Variants in TLR6 observed in about 807,000 individuals in gnomAD.
TLR6 encodes toll-like receptor 6.
In TLR6, 9 loss-of-function variants were observed where a neutral mutation model predicts 16.1. That is an observed-to-expected ratio of 0.56 (90% CI 0.34 to 0.98). TLR6 has a LOEUF of 0.98. TLR6 is among the 50% of genes least tolerant of loss of function. The pLI is 0.02. For missense variants in TLR6, 786 were observed against 921.0 expected, an observed-to-expected ratio of 0.85 and a Z score of 1.90; for synonymous variants, 340 against 338.6, an observed-to-expected ratio of 1.00 and a Z score of -0.04.
At chr4:38,857,107 G>A (rs1713020189), upstream of TLR6, among the ~76,000 whole-genome samples, 1 of 152,170 alleles carries the variant, frequency 6.6e-6, no homozygotes, top group South Asian at 2.1e-4. Flanking sequence ...TTTGTCACCT[G>A]AGTGGAAAGT....
At chr4:38,853,359 C>A (rs368821471) in intron 1 of TLR6, among the ~76,000 whole-genome samples, 5 of 148,534 alleles carry the variant, frequency 3.4e-5, no homozygotes, top group Admixed American at 3.3e-4. Flanking sequence ...TGCACATGTA[C>A]CCTAGAACTT....
At chr4:38,839,134 A>AGGGAGGGAG (rs1712109877) in intron 1 of TLR6, among the ~76,000 whole-genome samples, 1 of 60,446 alleles carries the variant, frequency 1.7e-5, no homozygotes, top group African/African-American at 6.5e-5. Context: ...AAGGGAGGGA[A>AGGGAGGGAG]GGGAGGGAGG....
At chr4:38,855,234 A>G (rs1712936000) in intron 1 of TLR6, among the ~76,000 whole-genome samples, 1 of 149,934 alleles carries the variant, frequency 6.7e-6, no homozygotes, top group African/African-American at 2.5e-5. Context: ...AAAAAATTAT[A>G]TATGTAGTAA....
At position 38,827,437 on chromosome 4, in the gene TLR6, G is replaced by A. The variant is rs56107625; in HGVS notation, c.2037C>T (p.Val679=). The A allele has an allele frequency of 2.6e-4, 419 of 1,614,194 alleles. 2 individuals carry two copies. Among genetic ancestry groups the A allele is most frequent in the South Asian group, 1.3e-3 (122 of 91,088 alleles). ...TATTTTCCACAATGCTCTTGCCAGG[G>A]ACAAAGTTTCTCTCATGAAGACAAA... The change falls in exon 2 of 2, where the codon GTC becomes GTT. Residue 679 remains valine (V), a synonymous_variant. Coordinates refer to ENST00000436693, the Ensembl canonical transcript of TLR6.
chr4:38,828,081 C>T lies in TLR6; in HGVS notation c.1393G>A (p.Val465Ile), dbSNP rs5743816. ...TCCAGTTTTACGACTTGTTTAGGAA[C>T]GCTCTTTATTTTATTGCTGTGAAGA... Residue 465 changes from valine to isoleucine, a missense_variant, in exon 2 of 2, where the codon GTT (valine) becomes ATT (isoleucine). By Grantham distance (29) the Val-to-Ile change is conservative. Transcript: ENST00000436693. 9,171 of 1,613,944 alleles carry T rather than the reference C, an allele frequency of 5.7e-3. 306 individuals carry two copies. The African/African-American group carries it at 0.078, about 14-fold the overall frequency.
chr4:38,827,726 T>C (rs1296243300), exon 2 of TLR6: 2 of 1,614,246 alleles, frequency 1.2e-6, no homozygotes, highest in East Asian at 2.2e-5. Context: ...CAGAGTTATG[T>C]TGCAGGATAA....
intron 1 of TLR6, among the ~76,000 whole-genome samples, chr4:38,839,070 AAGAG>A (rs1185907207): frequency 1.0e-5 from 1 of 96,286 alleles, no homozygotes; most frequent in Non-Finnish European, 1.7e-5. Context: ...AAGAAATAGA[AAGAG>A]AGAAAGAGGA....
upstream of TLR6, among the ~76,000 whole-genome samples, chr4:38,858,789 GA>G (rs1196243817): frequency 4.3e-5 from 2 of 46,956 alleles, no homozygotes; most frequent in Non-Finnish European, 3.6e-5. Flanking sequence ...GAGAGAGAGA[GA>G]GGGAGAGAGA....
At chr4:38,827,284 G>C (rs1477667286) in exon 2 of TLR6, 1 of 1,614,152 alleles carries the variant, frequency 6.2e-7, no homozygotes, top group Non-Finnish European at 8.5e-7. Context: ...TGAGGATTAA[G>C]TTATTAGATC....
intron 1 of TLR6, among the ~76,000 whole-genome samples, chr4:38,834,068 A>G (rs1427090647): frequency 1.3e-5 from 2 of 151,034 alleles, no homozygotes; most frequent in African/African-American, 4.8e-5. Flanking sequence ...CTGTACTAAA[A>G]AAAAAAAAAA....
upstream of TLR6, among the ~76,000 whole-genome samples, chr4:38,858,116 G>A (rs1475351887): frequency 6.6e-6 from 1 of 152,186 alleles, no homozygotes; most frequent in Non-Finnish European, 1.5e-5. Context: ...ACGTCTGTAA[G>A]GGGATGACAA....
At chr4:38,858,490 T>C (rs371650970), upstream of TLR6, among the ~76,000 whole-genome samples, 15 of 151,984 alleles carry the variant, frequency 9.9e-5, no homozygotes, top group South Asian at 3.1e-3. Context: ...GAGGCCGAGG[T>C]GGGTAGATCA....
chr4:38,855,731 A>G (rs926621136), intron 1 of TLR6, among the ~76,000 whole-genome samples: 1 of 152,216 alleles, frequency 6.6e-6, no homozygotes, highest in African/African-American at 2.4e-5. Flanking sequence ...AGAGGCGTTC[A>G]TACCCTGAGG....
At chr4:38,848,861 T>C (rs1359418613) in intron 1 of TLR6, among the ~76,000 whole-genome samples, 1 of 152,210 alleles carries the variant, frequency 6.6e-6, no homozygotes, top group African/African-American at 2.4e-5. Context: ...TTCTGCAGGA[T>C]GTTATCCAGG....
At chr4:38,868,095 G>T in the TLR6 span, 2 of 366,664 alleles carry the variant, frequency 5.5e-6, no homozygotes, top group Middle Eastern at 4.2e-4. Context: ...CCGGGTCCAC[G>T]CTCATGCACA....
At chr4:38,833,230 T>A (rs975007473) in intron 1 of TLR6, among the ~76,000 whole-genome samples, 1 of 152,104 alleles carries the variant, frequency 6.6e-6, no homozygotes, top group African/African-American at 2.4e-5. Flanking sequence ...AGCATCCAAC[T>A]AAATCTCCTG....
chr4:38,863,029 T>C, the TLR6 span, among the ~76,000 whole-genome samples: 3 of 150,704 alleles, frequency 2.0e-5, no homozygotes, highest in South Asian at 6.3e-4. Flanking sequence ...TTTTACTGAC[T>C]ATCTCTAATT....
exon 2 of TLR6, chr4:38,827,015 T>C: frequency 8.0e-7 from 1 of 1,252,304 alleles, no homozygotes; most frequent in Admixed American, 2.8e-5. Flanking sequence ...AGACAGTTAC[T>C]TACGACTGTA....
intron 1 of TLR6, among the ~76,000 whole-genome samples, chr4:38,842,863 T>A (rs1712348483): frequency 1.3e-5 from 2 of 151,608 alleles, no homozygotes; most frequent in Admixed American, 1.3e-4. Context: ...TTTTTTTTTT[T>A]AATCCCAGGA....
Sources: allele counts gnomAD v4.1 joint callset (sites outside exome capture counted in the v4.1 genomes callset), GRCh38; gene constraint gnomAD v4.1.1; transcripts MANE v1.5; gene names NCBI Gene and HGNC (gene_info 2026-07-23, HGNC 2026-07-21).